The following ELF2 variants were observed in gnomAD, a reference collection of about 807,000 sequenced individuals.
The protein encoded by ELF2 is E74 like ETS transcription factor 2.
ELF2 carries 11 observed loss-of-function variants against 54.8 expected under a neutral mutation model. The ratio of observed to expected loss-of-function variants is 0.20; its 90% CI spans 0.13 to 0.33. The LOEUF is 0.33. Among genes scored for constraint, ELF2 ranks in the 10% least tolerant of loss-of-function variants. The pLI is 1.00. For missense variants in ELF2, 513 were observed against 703.0 expected (o/e 0.73, Z 3.06); for synonymous variants, 203 against 245.1 (o/e 0.83, Z 1.61).
chr4:139,084,114 A>G, intron 4 of ELF2: 1 of 1,613,196 alleles, frequency 6.2e-7, no homozygotes, highest in Non-Finnish European at 8.5e-7. Context: ...GCACGGGAGA[A>G]AAGTTCCCCT....
At chr4:139,067,829 A>C in intron 6 of ELF2, 59 bp from the exon 7 acceptor site, 2 of 1,467,914 alleles carry the variant, frequency 1.4e-6, no homozygotes, top group South Asian at 1.3e-5. Context: ...GAGAGGCACG[A>C]TTAGCAGACT....
chr4:139,146,107 GATCGT>G (rs1356472050), intron 1 of ELF2, among the ~76,000 whole-genome samples: 1 of 152,154 alleles, frequency 6.6e-6, no homozygotes, highest in Non-Finnish European at 1.5e-5. Context: ...CTGATGATAT[GATCGT>G]ATACCTACAA....
At chr4:139,167,713 T>C (rs769592564) in intron 1 of ELF2, among the ~76,000 whole-genome samples, 2 of 152,200 alleles carry the variant, frequency 1.3e-5, no homozygotes, top group Admixed American at 6.5e-5. Flanking sequence ...CCTGAAGCCC[T>C]ATAAGCTGAA....
At chr4:139,114,129 C>T (rs1352875144) in intron 4 of ELF2, among the ~76,000 whole-genome samples, 3 of 152,148 alleles carry the variant, frequency 2.0e-5, no homozygotes, top group Non-Finnish European at 4.4e-5. Context: ...ATTAGGATAA[C>T]ACTCTATTGA....
chr4:139,143,242 T>C (rs1074868), intron 1 of ELF2, among the ~76,000 whole-genome samples: 3,011 of 152,292 alleles, frequency 0.02, 38 homozygotes, highest in African/African-American at 0.039. Flanking sequence ...ACAGTCTGCA[T>C]GCAACTTGTG....
At chr4:139,095,341 C>T (rs542539567) in intron 4 of ELF2, among the ~76,000 whole-genome samples, 1 of 152,010 alleles carries the variant, frequency 6.6e-6, no homozygotes, top group Middle Eastern at 3.2e-3. Context: ...TGCAACATCA[C>T]GCCCAGCTAA....
intron 1 of ELF2, among the ~76,000 whole-genome samples, chr4:139,142,206 T>C (rs1431908497): frequency 2.0e-5 from 3 of 152,138 alleles, no homozygotes; most frequent in Non-Finnish European, 2.9e-5. Context: ...CAATTCAGAT[T>C]GAGTGGTCAG....
chr4:139,084,549 C>A, intron 4 of ELF2: 1 of 478,056 alleles, frequency 2.1e-6, no homozygotes, highest in Non-Finnish European at 2.8e-6. Context: ...CTCCAGAGAG[C>A]GGCCGCAGCC....
In ELF2 at chr4:139,145,623, T is replaced by C. The variant is rs904754447; in HGVS notation, c.-251-6126A>G. ...TACAGACCAATATCCCTGATGAACATAGATGTAAAAATCCTCAACAAAATA... is the reference window on the plus strand; with the variant it reads ...TACAGACCAATATCCCTGATGAACACAGATGTAAAAATCCTCAACAAAATA... On this transcript the variant is annotated intron_variant, in intron 1 of 9. Coordinates refer to ENST00000686138, the MANE Select transcript of ELF2 (RefSeq NM_001331036.3). 3.9e-5 allele frequency among the ~76,000 whole-genome samples: 6 copies of C among 152,148 alleles called. No homozygotes were observed. The East Asian group carries it at 1.2e-3, about 29-fold the overall frequency.
chr4:139,166,801 G>C (rs1741772332), intron 1 of ELF2, among the ~76,000 whole-genome samples: 1 of 152,220 alleles, frequency 6.6e-6, no homozygotes, highest in African/African-American at 2.4e-5. Context: ...CCAGGAGGCA[G>C]AGCTTGCAGT....
intron 4 of ELF2, among the ~76,000 whole-genome samples, chr4:139,074,678 T>C (rs1307476355): frequency 1.3e-5 from 2 of 151,188 alleles, no homozygotes; most frequent in Non-Finnish European, 2.9e-5. Context: ...GAGAATCGCT[T>C]GAACCTGGGA....
intron 4 of ELF2, among the ~76,000 whole-genome samples, chr4:139,081,077 AGAT>A (rs1474687016): frequency 6.6e-6 from 1 of 152,164 alleles, no homozygotes; most frequent in Non-Finnish European, 1.5e-5. Flanking sequence ...GAAGCCCTAA[AGAT>A]GTTAAGTCAC....
At chr4:139,148,046 A>G (rs1445412453) in intron 1 of ELF2, among the ~76,000 whole-genome samples, 1 of 151,694 alleles carries the variant, frequency 6.6e-6, no homozygotes, top group African/African-American at 2.4e-5. Flanking sequence ...TCAGCCTCCC[A>G]AAATGCAGGG....
intron 4 of ELF2, among the ~76,000 whole-genome samples, chr4:139,087,452 C>A (rs1323590479): frequency 2.6e-5 from 4 of 152,012 alleles, no homozygotes; most frequent in Non-Finnish European, 5.9e-5. Context: ...TAGACAAACA[C>A]GTTTTTTTGT....
intron 4 of ELF2, among the ~76,000 whole-genome samples, chr4:139,092,465 A>ACATAT (rs1732770032): frequency 6.6e-6 from 1 of 151,262 alleles, no homozygotes; most frequent in African/African-American, 2.4e-5. Flanking sequence ...ACATAACATA[A>ACATAT]CATAACATAG....
rs1475491852 is a variant in ELF2 at position 139,057,953 on chromosome 4, A to G, written c.*1030T>C. 1 of 152,654 alleles carries G rather than the reference A, an allele frequency of 6.6e-6. No homozygotes were observed. Among genetic ancestry groups the G allele is most frequent in the African/African-American group, 2.4e-5 (1 of 41,464 alleles). 9.5% of individuals were successfully genotyped at this position (152,654 alleles called of 1,614,324 possible). ...AGAATATACTTCAAATGTTGAATAT[A>G]CAAACTATTATAGTTCAAAACTGAA... On this transcript the variant is annotated 3_prime_UTR_variant, in exon 10 of 10. Coordinates refer to ENST00000686138, the MANE Select transcript of ELF2 (RefSeq NM_001331036.3).
intron 4 of ELF2, among the ~76,000 whole-genome samples, chr4:139,084,925 G>T (rs1208717454): frequency 6.6e-6 from 1 of 152,018 alleles, no homozygotes; most frequent in African/African-American, 2.4e-5. Flanking sequence ...GACCAACTTC[G>T]TCCTTTTCCC....
At chr4:139,092,297 G>A (rs1317283852) in intron 4 of ELF2, among the ~76,000 whole-genome samples, 4 of 151,566 alleles carry the variant, frequency 2.6e-5, no homozygotes, top group Non-Finnish European at 5.9e-5. Flanking sequence ...GGAGGCAGAG[G>A]TTGAAGTAAG....
intron 4 of ELF2, among the ~76,000 whole-genome samples, chr4:139,117,404 C>G (rs572613289): frequency 6.6e-6 from 1 of 152,198 alleles, no homozygotes; most frequent in East Asian, 1.9e-4. Flanking sequence ...TTCCATTAAG[C>G]ATGTATTGCT....
Sources: gnomAD v4.1 joint callset for allele counts (sites outside exome capture counted in the v4.1 genomes callset) on GRCh38, gnomAD v4.1.1 for gene constraint, MANE v1.5 for transcripts, NCBI Gene and HGNC (gene_info 2026-07-23, HGNC 2026-07-21) for gene names.